Variants in DCP1B observed in about 807,000 individuals in gnomAD.
The protein encoded by DCP1B is mRNA-decapping enzyme 1B.
A neutral mutation model predicts 60.5 loss-of-function variants in DCP1B; 47 were observed. That is an observed-to-expected ratio of 0.78 (90% CI 0.61 to 0.99). The LOEUF is 0.99. Ranked by LOEUF, DCP1B falls within the 50% of genes least tolerant of loss-of-function variation. DCP1B has a pLI of 0.00. For missense variants in DCP1B, 725 were observed against 756.8 expected, an observed-to-expected ratio of 0.96 and a Z score of 0.49; for synonymous variants, 267 against 280.3, an observed-to-expected ratio of 0.95 and a Z score of 0.47.
chr12:1,983,669 C>T (rs945699870), intron 3 of DCP1B, among the ~76,000 whole-genome samples: 3 of 151,956 alleles, frequency 2.0e-5, no homozygotes, highest in Admixed American at 6.6e-5. Context: ...GAATGTTTCA[C>T]GTGCACTTGA....
rs554954236 is a variant in DCP1B at position 1,965,745 on chromosome 12, C to A, written c.387-52G>T. 3.6e-5 allele frequency: 57 copies of A among 1,570,458 alleles called. No individual in the cohort carries two copies. In the South Asian group the frequency reaches 6.7e-4, roughly 18 times the overall value. On this transcript the variant is annotated intron_variant, in intron 4 of 8. Coordinates refer to ENST00000280665, the MANE Select transcript of DCP1B (RefSeq NM_152640.5). ...ACAAGAAAAGCCAATTCAACACAAACAATGTTTAAAACCATCCCAATTCTC... is the reference window on the plus strand; with the variant it reads ...ACAAGAAAAGCCAATTCAACACAAAAAATGTTTAAAACCATCCCAATTCTC...
At chr12:1,967,320 A>T (rs1161976025) in intron 4 of DCP1B, among the ~76,000 whole-genome samples, 2 of 152,260 alleles carry the variant, frequency 1.3e-5, no homozygotes, top group Non-Finnish European at 2.9e-5. Flanking sequence ...CTAAGCTAAT[A>T]GTAACTCAGC....
chr12:1,993,091 A>G, intron 3 of DCP1B, 173 bp downstream of exon 3: 1 of 854,688 alleles, frequency 1.2e-6, no homozygotes, highest in East Asian at 2.4e-5. Flanking sequence ...TCCAAGGAAG[A>G]ATCTATTCCA....
chr12:1,985,341 T>C (rs2037396248), intron 3 of DCP1B, among the ~76,000 whole-genome samples: 1 of 152,234 alleles, frequency 6.6e-6, no homozygotes, highest in Non-Finnish European at 1.5e-5. Context: ...AAAATTTCTA[T>C]TGACCTATCT....
intron 5 of DCP1B, 98 bp from the exon 6 acceptor site, chr12:1,955,658 T>C: frequency 7.4e-7 from 1 of 1,357,542 alleles, no homozygotes; most frequent in South Asian, 1.6e-5. Flanking sequence ...GGTAGACGGC[T>C]GTGTTTTTGA....
Position 1,965,513 on chromosome 12 carries a change from C to A in DCP1B, c.522+45G>T. 3.9e-6 allele frequency: 6 copies of A among 1,544,084 alleles called. No homozygotes were observed. The African/African-American group carries it at 4.2e-5, about 11-fold the overall frequency. On this transcript the variant is annotated intron_variant, in intron 5 of 8. Transcript: ENST00000280665. ...TTGCTAAACAAGAATATTCCCACTG[C>A]GGAACTGAAGTGTGTATGTATCACA...
intron 1 of DCP1B, among the ~76,000 whole-genome samples, chr12:2,002,614 T>C (rs1263744842): frequency 6.6e-6 from 1 of 152,186 alleles, no homozygotes; most frequent in Non-Finnish European, 1.5e-5. Context: ...GAAACAACTA[T>C]TATTCAAGAG....
intron 5 of DCP1B, among the ~76,000 whole-genome samples, chr12:1,956,085 C>T (rs1487634414): frequency 1.3e-5 from 2 of 152,164 alleles, no homozygotes; most frequent in Non-Finnish European, 2.9e-5. Context: ...TAATAAATGA[C>T]TTCTTGCATA....
intron 3 of DCP1B, among the ~76,000 whole-genome samples, chr12:1,985,269 C>T (rs117312006): frequency 0.027 from 4,144 of 152,170 alleles, 94 homozygotes; most frequent in Middle Eastern, 0.061. Context: ...TATTGCCCCA[C>T]GGATTTCTGA....
chr12:1,997,481 C>A (rs899770972), intron 2 of DCP1B, among the ~76,000 whole-genome samples: 1 of 152,148 alleles, frequency 6.6e-6, no homozygotes, highest in Admixed American at 6.5e-5. Context: ...GAGCTGTGAT[C>A]GTGCCACTGC....
downstream of DCP1B, among the ~76,000 whole-genome samples, chr12:1,945,565 A>C (rs1484408739): frequency 6.6e-6 from 1 of 152,254 alleles, no homozygotes; most frequent in African/African-American, 2.4e-5. Context: ...TCATTCCACT[A>C]TCAAGACACA....
At chr12:1,951,291 G>A (rs929021336) in intron 7 of DCP1B, among the ~76,000 whole-genome samples, 2 of 152,048 alleles carry the variant, frequency 1.3e-5, no homozygotes, top group African/African-American at 4.8e-5. Flanking sequence ...ACAAAAAAAG[G>A]TACATAACAA....
intron 3 of DCP1B, among the ~76,000 whole-genome samples, chr12:1,976,909 A>C (rs1414724227): frequency 1.3e-5 from 2 of 152,028 alleles, no homozygotes; most frequent in Non-Finnish European, 2.9e-5. Flanking sequence ...ATGAAGGAAA[A>C]AAGGGAAGAA....
downstream of DCP1B, among the ~76,000 whole-genome samples, chr12:1,945,800 A>G (rs1017727407): frequency 6.6e-6 from 1 of 152,096 alleles, no homozygotes; most frequent in Non-Finnish European, 1.5e-5. Context: ...ACCAAACACC[A>G]CATGTTCTCA....
intron 8 of DCP1B, among the ~76,000 whole-genome samples, chr12:1,947,859 C>T (rs991560909): frequency 2.0e-5 from 3 of 152,142 alleles, no homozygotes; most frequent in African/African-American, 7.2e-5. Context: ...TTTGTAGTCT[C>T]GCTATGTTGC....
At chr12:1,950,367 A>G (rs2030620236) in intron 7 of DCP1B, 2 of 702,236 alleles carry the variant, frequency 2.8e-6, no homozygotes, top group East Asian at 2.7e-5. Context: ...GGCTCTTGAT[A>G]TTTGTGAGTA....
Position 1,955,574 on chromosome 12 carries a change from G to T in DCP1B, c.523-14C>A, listed in dbSNP as rs2030854492. On this transcript the variant is annotated splice_polypyrimidine_tract_variant and intron_variant, in intron 5 of 8. Transcript: ENST00000280665. ...ACAGGTTTTACACTGAAATAGAAAA[G>T]AAAATCCCCTCATTTTTGGCTTAGA... 6.2e-7 allele frequency: 1 copy of T among 1,604,298 alleles called. No individual in the cohort carries two copies.
intron 8 of DCP1B, among the ~76,000 whole-genome samples, chr12:1,947,900 C>A (rs924890560): frequency 1.3e-5 from 2 of 152,160 alleles, no homozygotes; most frequent in Admixed American, 6.5e-5. Flanking sequence ...TGGCCTCAAG[C>A]AATGCTCCCA....
rs757934215 is a variant in DCP1B at position 1,953,199 on chromosome 12, C to T, written c.741G>A (p.Pro247=). The change falls in exon 7 of 9, where the codon CCG becomes CCA. Residue 247 remains proline (P), a synonymous_variant. Coordinates refer to ENST00000280665, the MANE Select transcript of DCP1B (RefSeq NM_152640.5). The part of the protein sequence containing the change: ...KATCQETVEP[P]QTLHQQQQQQ... ...GCTGCTGCTGCTGGTGGAGAGTCTG[C>T]GGAGGCTCCACAGTTTCCTGACATG... 26 of 1,609,906 alleles carry T rather than the reference C, an allele frequency of 1.6e-5. No individual in the cohort carries two copies. Among genetic ancestry groups the T allele is most frequent in the South Asian group, 1.5e-4 (14 of 91,066 alleles).
Sources: gnomAD v4.1 joint callset for allele counts (sites outside exome capture counted in the v4.1 genomes callset) on GRCh38, gnomAD v4.1.1 for gene constraint, MANE v1.5 for transcripts, NCBI Gene and HGNC (gene_info 2026-07-23, HGNC 2026-07-21) for gene names.